Variants in EPHA5 observed in about 807,000 individuals in gnomAD.
EPHA5 encodes the protein ephrin type-A receptor 5.
EPHA5 carries 60 observed loss-of-function variants against 105.0 expected under a neutral mutation model. The observed-to-expected ratio is 0.57, with a 90% CI of 0.46 to 0.71. The LOEUF (loss-of-function observed/expected upper bound fraction) is 0.71, where lower values mean the gene tolerates loss of function less well. EPHA5 is among the 30% of genes least tolerant of loss of function. EPHA5 has a pLI of 0.00. For synonymous variants in EPHA5, 513 were observed against 449.1 expected (o/e 1.14, Z -1.80); for missense variants, 1,218 against 1,274.7 (o/e 0.96, Z 0.68).
chr4:65,667,845 T>C (rs1750084397), intron 1 of EPHA5, among the ~76,000 whole-genome samples: 2 of 152,158 alleles, frequency 1.3e-5, no homozygotes, highest in South Asian at 4.1e-4. Context: ...GGATGAATGA[T>C]ATTACTGTTA....
intron 1 of EPHA5, among the ~76,000 whole-genome samples, chr4:65,663,400 T>C (rs1014548354): frequency 5.9e-5 from 9 of 152,074 alleles, no homozygotes; most frequent in African/African-American, 1.9e-4. Flanking sequence ...CAGTTTTCTT[T>C]TATGACTTTG....
intron 8 of EPHA5, among the ~76,000 whole-genome samples, chr4:65,404,101 A>G (rs1229456329): frequency 6.6e-6 from 1 of 152,210 alleles, no homozygotes; most frequent in Admixed American, 6.6e-5. Context: ...AATATGTGTC[A>G]TATAAAGAGA....
At chr4:65,379,617 G>A (rs1337576897) in intron 8 of EPHA5, among the ~76,000 whole-genome samples, 9 of 151,592 alleles carry the variant, frequency 5.9e-5, no homozygotes, top group African/African-American at 2.2e-4. Context: ...GTATTTTGGA[G>A]GAAAAGTGTT....
intron 5 of EPHA5, among the ~76,000 whole-genome samples, chr4:65,466,477 G>A (rs1728727684): frequency 6.6e-6 from 1 of 152,194 alleles, no homozygotes; most frequent in Non-Finnish European, 1.5e-5. Flanking sequence ...GGGTTTTGAG[G>A]AGGGAAGTAT....
intron 5 of EPHA5, among the ~76,000 whole-genome samples, chr4:65,449,364 AC>A (rs1726862336): frequency 6.6e-6 from 1 of 152,204 alleles, no homozygotes; most frequent in African/African-American, 2.4e-5. Flanking sequence ...GCACTGACTT[AC>A]ATTTTTTATA....
chr4:65,416,619 A>C (rs1480341175), intron 6 of EPHA5, among the ~76,000 whole-genome samples: 3 of 152,206 alleles, frequency 2.0e-5, no homozygotes, highest in African/African-American at 7.2e-5. Context: ...ATATACAAGG[A>C]AACTGGGCTG....
chr4:65,650,387 C>T lies in EPHA5; in HGVS notation c.182-6960G>A, dbSNP rs1359463184. Reference sequence around the variant, plus strand: ...ACAGTGAAACCCGGTGTGTACTAAACATACAAAAAAAAAAAAAAAAAATTA... The same window carrying T: ...ACAGTGAAACCCGGTGTGTACTAAATATACAAAAAAAAAAAAAAAAAATTA... On this transcript the variant is annotated intron_variant, in intron 1 of 16. Coordinates refer to ENST00000613740, the MANE Select transcript of EPHA5 (RefSeq NM_001281766.3). 2.5e-3 allele frequency among the ~76,000 whole-genome samples: 94 copies of T among 38,168 alleles called. 1 individual carries two copies. The highest frequency in any genetic ancestry group is 8.9e-3 in the African/African-American group (88 of 9,934). 25.0% of individuals were successfully genotyped at this position (38,168 alleles called of 152,430 possible).
At chr4:65,389,606 C>A (rs1720500757) in intron 8 of EPHA5, among the ~76,000 whole-genome samples, 1 of 151,896 alleles carries the variant, frequency 6.6e-6, no homozygotes, top group Non-Finnish European at 1.5e-5. Flanking sequence ...TTAATGTTGG[C>A]AGGATCTGTG....
At chr4:65,460,137 A>T (rs1283213935) in intron 5 of EPHA5, among the ~76,000 whole-genome samples, 1 of 151,666 alleles carries the variant, frequency 6.6e-6, no homozygotes, top group African/African-American at 2.4e-5. Flanking sequence ...TTTATTTTAA[A>T]ATTATATATA....
At chr4:65,470,275 C>A (rs943425025) in intron 5 of EPHA5, among the ~76,000 whole-genome samples, 18 of 151,772 alleles carry the variant, frequency 1.2e-4, no homozygotes, top group African/African-American at 4.1e-4. Flanking sequence ...TCACTGCAAC[C>A]TCTGCCTCCA....
At chr4:65,471,342 A>G (rs1372819034) in intron 5 of EPHA5, among the ~76,000 whole-genome samples, 1 of 152,208 alleles carries the variant, frequency 6.6e-6, no homozygotes, top group Non-Finnish European at 1.5e-5. Context: ...ATTTATTCTC[A>G]TAAAATTTAA....
chr4:65,413,967 A>G (rs1002136914), intron 7 of EPHA5, among the ~76,000 whole-genome samples: 1 of 152,200 alleles, frequency 6.6e-6, no homozygotes, highest in Non-Finnish European at 1.5e-5. Context: ...AACGACTAAA[A>G]AAGTAAATGG....
chr4:65,633,334 G>A (rs908023096), intron 2 of EPHA5, among the ~76,000 whole-genome samples: 11 of 151,570 alleles, frequency 7.3e-5, no homozygotes, highest in African/African-American at 2.4e-4. Flanking sequence ...TGGGAGCACT[G>A]TCACAGGAAT....
rs541714795 is a variant in EPHA5 at position 65,643,276 on chromosome 4, A to G, written c.246+87T>C. The G allele has an allele frequency of 1.9e-5, 20 of 1,064,296 alleles. No individual in the cohort carries two copies. The African/African-American group carries it at 2.8e-4, about 15-fold the overall frequency. The allele number at this position is 1,064,296 out of a possible 1,614,324, so 65.9% of individuals were successfully genotyped here. A position where few individuals can be genotyped will look rare whatever the true frequency, so the allele number is the denominator to read the frequency against. On this transcript the variant is annotated intron_variant, in intron 2 of 16. Transcript: ENST00000613740. Reference sequence around the variant, plus strand: ...CACCTCCTGTCTTAACAACATATACATCCAGTACATATTCATTCCTGTGTT... The same window carrying G: ...CACCTCCTGTCTTAACAACATATACGTCCAGTACATATTCATTCCTGTGTT...
intron 16 of EPHA5, chr4:65,330,976 T>C: frequency 1.9e-6 from 2 of 1,045,096 alleles, no homozygotes; most frequent in Non-Finnish European, 2.3e-6. Flanking sequence ...TTACCTTCTG[T>C]GGGGAGGAAC....
At chr4:65,557,599 A>G (rs774629429) in intron 3 of EPHA5, among the ~76,000 whole-genome samples, 5 of 152,000 alleles carry the variant, frequency 3.3e-5, no homozygotes, top group East Asian at 1.9e-4. Flanking sequence ...GATTAGGGCA[A>G]TGTGTATGTG....
intron 3 of EPHA5, among the ~76,000 whole-genome samples, chr4:65,500,585 C>T (rs72641099): frequency 0.22 from 32,133 of 149,380 alleles, 3,756 homozygotes; most frequent in Middle Eastern, 0.33. Flanking sequence ...ATCGATTTTT[C>T]GCCATATTTT....
intron 2 of EPHA5, among the ~76,000 whole-genome samples, chr4:65,619,292 AACAG>A (rs745315864): frequency 1.2e-4 from 18 of 152,224 alleles, no homozygotes; most frequent in Non-Finnish European, 1.9e-4. Context: ...AACTATCTCT[AACAG>A]ACAATGATTT....
chr4:65,610,759 T>A lies in EPHA5; in HGVS notation c.247-8455A>T, dbSNP rs1428400863. Among the ~76,000 whole-genome samples, 13 of 152,242 alleles carry A rather than the reference T, an allele frequency of 8.5e-5. No individual in the cohort carries two copies. The East Asian group carries it at 2.3e-3, about 27-fold the overall frequency. On this transcript the variant is annotated intron_variant, in intron 2 of 16. Transcript: ENST00000613740. ...ACCCTATTGTATAGGGTACATGTGA[T>A]CTAATTTGTCAGTAATGAGTGCCAT... is the stretch of plus-strand genomic sequence containing the variant.
Sources: allele counts gnomAD v4.1 joint callset (sites outside exome capture counted in the v4.1 genomes callset), GRCh38; gene constraint gnomAD v4.1.1; transcripts MANE v1.5; gene names NCBI Gene and HGNC (gene_info 2026-07-23, HGNC 2026-07-21).